The following FYN variants were observed in gnomAD, a reference collection of about 807,000 sequenced individuals.
FYN encodes the protein tyrosine-protein kinase Fyn.
A neutral mutation model predicts 70.2 loss-of-function variants in FYN; 10 were observed. That is an observed-to-expected ratio of 0.14 (90% confidence interval 0.09 to 0.24). The LOEUF is 0.24. Ranked by LOEUF, FYN falls within the 10% of genes least tolerant of loss-of-function variation. The pLI is 1.00. For synonymous variants in FYN, 236 were observed against 248.6 expected (o/e 0.95, Z 0.48); for missense variants, 319 against 673.1 (o/e 0.47, Z 5.82).
chr6:111,817,459 T>C (rs373841607), intron 2 of FYN, among the ~76,000 whole-genome samples: 1 of 152,190 alleles, frequency 6.6e-6, no homozygotes, highest in African/African-American at 2.4e-5. Flanking sequence ...AACGAATACA[T>C]GGTGTATCCG....
chr6:111,775,433 T>C (rs1725603876), intron 3 of FYN, among the ~76,000 whole-genome samples: 1 of 152,158 alleles, frequency 6.6e-6, no homozygotes, highest in African/African-American at 2.4e-5. Flanking sequence ...ACAATGACTG[T>C]GGAAATTACT....
At chr6:111,773,528 G>GGGTAGA (rs1803554345) in intron 3 of FYN, among the ~76,000 whole-genome samples, 1 of 39,428 alleles carries the variant, frequency 2.5e-5, no homozygotes, top group Non-Finnish European at 4.6e-5. Flanking sequence ...TGAGAGAGAG[G>GGGTAGA]GGGAGAGGGA....
At chr6:111,781,600 G>GT (rs1375846544) in intron 2 of FYN, among the ~76,000 whole-genome samples, 1 of 152,180 alleles carries the variant, frequency 6.6e-6, no homozygotes, top group African/African-American at 2.4e-5. Context: ...ATCAAATGCT[G>GT]TAACGCCCAG....
At chr6:111,669,098 T>C (rs947998879) in intron 13 of FYN, among the ~76,000 whole-genome samples, 1 of 152,298 alleles carries the variant, frequency 6.6e-6, no homozygotes, top group African/African-American at 2.4e-5. Context: ...TGTTGAATGA[T>C]TTGAAAGTGC....
At chr6:111,699,891 G>A in intron 9 of FYN, 1 of 563,518 alleles carries the variant, frequency 1.8e-6, no homozygotes, top group African/African-American at 2.0e-5. Flanking sequence ...TGAGCCATTT[G>A]CCAATTTTGC....
chr6:111,828,281 G>A (rs1190332930), intron 2 of FYN, among the ~76,000 whole-genome samples: 1 of 152,192 alleles, frequency 6.6e-6, no homozygotes, highest in Non-Finnish European at 1.5e-5. Context: ...CCAAAGGTGT[G>A]ATGTGGAAAA....
At chr6:111,669,506 G>A (rs1360278777) in intron 13 of FYN, among the ~76,000 whole-genome samples, 1 of 149,254 alleles carries the variant, frequency 6.7e-6, no homozygotes, top group Non-Finnish European at 1.5e-5. Flanking sequence ...CACAAAACAG[G>A]TGTTCGGTTA....
chr6:111,717,910 T>C (rs1800742751), intron 4 of FYN, among the ~76,000 whole-genome samples: 1 of 152,210 alleles, frequency 6.6e-6, no homozygotes, highest in Admixed American at 6.5e-5. Flanking sequence ...TCAGGAGAGT[T>C]AGCATTCAGA....
intron 3 of FYN, among the ~76,000 whole-genome samples, chr6:111,753,944 T>G (rs1051436079): frequency 6.6e-6 from 1 of 152,194 alleles, no homozygotes; most frequent in Non-Finnish European, 1.5e-5. Flanking sequence ...CTGGTCATCA[T>G]GGAGGCCCTG....
chr6:111,849,090 G>T (rs2063128534), intron 1 of FYN, among the ~76,000 whole-genome samples: 1 of 152,166 alleles, frequency 6.6e-6, no homozygotes, highest in African/African-American at 2.4e-5. Context: ...ATTCAATTGT[G>T]GGCTTTGGGC....
At chr6:111,829,071 A>C (rs1583476412) in intron 2 of FYN, among the ~76,000 whole-genome samples, 1 of 152,254 alleles carries the variant, frequency 6.6e-6, no homozygotes, top group Admixed American at 6.5e-5. Context: ...CCTGGGACCA[A>C]TGTGCTTCAG....
chr6:111,792,040 T>C (rs1771642444), intron 2 of FYN, among the ~76,000 whole-genome samples: 1 of 152,148 alleles, frequency 6.6e-6, no homozygotes, highest in South Asian at 2.1e-4. Flanking sequence ...TAATTTGGAC[T>C]ATACTAAAAT....
intron 5 of FYN, among the ~76,000 whole-genome samples, chr6:111,711,627 G>A (rs1393978066): frequency 6.6e-6 from 1 of 152,188 alleles, no homozygotes; most frequent in East Asian, 1.9e-4. Flanking sequence ...CTCCACCAGG[G>A]AAGGGAGTGG....
chr6:111,674,726 G>T, intron 12 of FYN, 96 bp from the exon 13 acceptor site: 1 of 1,392,486 alleles, frequency 7.2e-7, no homozygotes, highest in South Asian at 1.4e-5. Flanking sequence ...ACTTTCCTGA[G>T]AGCAGGTTTA....
At chr6:111,757,258 A>G (rs1802779607) in intron 3 of FYN, among the ~76,000 whole-genome samples, 1 of 152,240 alleles carries the variant, frequency 6.6e-6, no homozygotes, top group Non-Finnish European at 1.5e-5. Context: ...CTTGACCTTC[A>G]TCTCCTGCTC....
intron 2 of FYN, among the ~76,000 whole-genome samples, chr6:111,816,983 T>C (rs1029568140): frequency 6.6e-6 from 1 of 152,222 alleles, no homozygotes; most frequent in African/African-American, 2.4e-5. Context: ...ATTTGATGAA[T>C]GAATGTCACC....
At chr6:111,684,816 A>G (rs958257920) in intron 12 of FYN, among the ~76,000 whole-genome samples, 2 of 152,180 alleles carry the variant, frequency 1.3e-5, no homozygotes, top group African/African-American at 4.8e-5. Flanking sequence ...CATCGAAGGG[A>G]CTTTCCTTGG....
intron 3 of FYN, among the ~76,000 whole-genome samples, chr6:111,747,275 C>A (rs973275691): frequency 2.0e-5 from 3 of 152,062 alleles, no homozygotes; most frequent in Admixed American, 2.0e-4. Flanking sequence ...TATATTCAAC[C>A]AAGAGATAAT....
intron 2 of FYN, among the ~76,000 whole-genome samples, chr6:111,824,093 A>C (rs1381726520): frequency 6.6e-6 from 1 of 152,236 alleles, no homozygotes; most frequent in Non-Finnish European, 1.5e-5. Flanking sequence ...TCTACAAAGG[A>C]AAAGTTTCAA....
Sources: gnomAD v4.1 joint callset for allele counts (sites outside exome capture counted in the v4.1 genomes callset) on GRCh38, gnomAD v4.1.1 for gene constraint, MANE v1.5 for transcripts, NCBI Gene and HGNC (gene_info 2026-07-23, HGNC 2026-07-21) for gene names.